Variants in ZFHX3 observed in about 807,000 individuals in gnomAD.
ZFHX3 encodes the protein zinc finger homeobox 3, also known as zinc finger homeobox protein 3.
In ZFHX3, 42 loss-of-function variants were observed where a neutral mutation model predicts 279.1. That is an observed-to-expected ratio of 0.15 (90% CI 0.12 to 0.19). The LOEUF (loss-of-function observed/expected upper bound fraction) is 0.19. Among genes scored for constraint, ZFHX3 ranks in the 10% least tolerant of loss-of-function variants. The pLI, the probability that ZFHX3 is intolerant of heterozygous loss-of-function variation, is 1.00. For missense variants in ZFHX3, 4,981 were observed against 4,754.0 expected (o/e 1.05, Z -1.40); for synonymous variants, 2,293 against 1,957.8 (o/e 1.17, Z -4.52).
intron 2 of ZFHX3, among the ~76,000 whole-genome samples, chr16:73,613,662 G>A (rs1192993767): frequency 4.6e-5 from 7 of 152,184 alleles, no homozygotes; most frequent in Admixed American, 2.6e-4. Context: ...ACCTCACAGG[G>A]TCCTAAATGG....
chr16:73,534,021 G>A (rs1218213394), intron 2 of ZFHX3, among the ~76,000 whole-genome samples: 2 of 152,054 alleles, frequency 1.3e-5, no homozygotes, highest in African/African-American at 4.8e-5. Flanking sequence ...CTGAAACCCA[G>A]GTGAGATCAT....
At position 73,632,630 on chromosome 16, in the gene ZFHX3, G is replaced by A. The variant is rs566745837; in HGVS notation, c.-1547+47550C>T. Among the ~76,000 whole-genome samples, 182 of 150,906 alleles carry A rather than the reference G, an allele frequency of 1.2e-3. 2 individuals carry two copies. The South Asian group carries it at 0.037, about 30-fold the overall frequency. ...GAACCTGGGAGGTGAAGGTAGCAGT[G>A]AGCTGAGATCGCGCCACTGCACTCC... is the stretch of plus-strand genomic sequence containing the variant. On this transcript the variant is annotated intron_variant, in intron 2 of 17. Transcript: ENST00000641206.
chr16:72,835,117 G>A (rs1011584868), intron 4 of ZFHX3, among the ~76,000 whole-genome samples: 10 of 152,068 alleles, frequency 6.6e-5, no homozygotes, highest in Non-Finnish European at 1.5e-4. Context: ...GATCCCCGAA[G>A]AATGAAATTG....
intron 2 of ZFHX3, among the ~76,000 whole-genome samples, chr16:73,480,671 C>T (rs2018850261): frequency 6.6e-6 from 1 of 152,160 alleles, no homozygotes; most frequent in Admixed American, 6.5e-5. Context: ...AACGGCCACT[C>T]TGGCTGGAGT....
At chr16:73,851,260 C>CA (rs1489871305) in intron 1 of ZFHX3, among the ~76,000 whole-genome samples, 1 of 152,084 alleles carries the variant, frequency 6.6e-6, no homozygotes, top group Non-Finnish European at 1.5e-5. Context: ...ATCAAGAGCC[C>CA]ACATGTTCTA....
At chr16:73,324,713 T>C (rs1344077743) in intron 3 of ZFHX3, among the ~76,000 whole-genome samples, 1 of 152,218 alleles carries the variant, frequency 6.6e-6, no homozygotes, top group Admixed American at 6.5e-5. Context: ...TACAAATTAG[T>C]GAGGCTTCAC....
intron 4 of ZFHX3, among the ~76,000 whole-genome samples, chr16:72,870,102 T>G (rs1438938256): frequency 6.6e-6 from 1 of 152,152 alleles, no homozygotes; most frequent in Non-Finnish European, 1.5e-5. Context: ...AGAGGAACAA[T>G]GCTAGATTAA....
At chr16:72,833,382 T>C (rs1236939907) in intron 4 of ZFHX3, among the ~76,000 whole-genome samples, 1 of 152,212 alleles carries the variant, frequency 6.6e-6, no homozygotes, top group Non-Finnish European at 1.5e-5. Flanking sequence ...CACTGGTAAC[T>C]GGCTGGGTCA....
At chr16:73,499,716 T>C (rs1036322954) in intron 2 of ZFHX3, 10 of 152,312 alleles carry the variant, frequency 6.6e-5, no homozygotes, top group Admixed American at 5.9e-4. Flanking sequence ...TATCCAACTG[T>C]CACAAAACTC....
chr16:73,690,165 C>T (rs919625363), intron 1 of ZFHX3, among the ~76,000 whole-genome samples: 2 of 152,158 alleles, frequency 1.3e-5, no homozygotes, highest in African/African-American at 4.8e-5. Context: ...AATCCTCCCA[C>T]CTCGGCCTCC....
At chr16:73,020,845 T>C (rs1964273159) in intron 1 of ZFHX3, among the ~76,000 whole-genome samples, 1 of 152,156 alleles carries the variant, frequency 6.6e-6, no homozygotes, top group Non-Finnish European at 1.5e-5. Context: ...TGTCTTCCTA[T>C]ATAATCCACT....
rs145626663 is a variant in ZFHX3, at chr16:73,253,965, C to T, written c.-1104+3082G>A. On this transcript the variant is annotated intron_variant, in intron 5 of 17. Coordinates refer to the ZFHX3 transcript ENST00000641206. ...GGCCTTGGAGGTGTCCAGTTCAAAT[C>T]TCCATCTAAGATAAGCTGCTCTGGA... Among the ~76,000 whole-genome samples, 390 of 152,270 alleles carry T rather than the reference C, an allele frequency of 2.6e-3. 1 individual carries two copies. In the Middle Eastern group the frequency reaches 0.044, roughly 17 times the overall value.
rs2020297482 is a variant in ZFHX3, at chr16:73,557,093, T to TA, written c.-1546-100836_-1546-100835insT. ...CTGGGGGACAGAGCAAGACTCCGTC[T>TA]CAAAAAAAAAAAAAAAAAAAAAAAA... is the stretch of plus-strand genomic sequence containing the variant. On this transcript the variant is annotated intron_variant, in intron 2 of 17. Transcript: ENST00000641206. Among the ~76,000 whole-genome samples the TA allele has an allele frequency of 3.8e-4, 6 of 15,908 alleles. 1 individual carries two copies. Among genetic ancestry groups the TA allele is most frequent in the Admixed American group, 9.2e-4 (1 of 1,090 alleles). 10.4% of individuals were successfully genotyped at this position (15,908 alleles called of 152,430 possible).
intron 1 of ZFHX3, among the ~76,000 whole-genome samples, chr16:73,784,566 G>A (rs559249758): frequency 6.6e-6 from 1 of 151,908 alleles, no homozygotes; most frequent in East Asian, 1.9e-4. Context: ...GGCCAACATG[G>A]TGAAACCCCA....
intron 1 of ZFHX3, among the ~76,000 whole-genome samples, chr16:72,965,179 T>C (rs1961775986): frequency 6.6e-6 from 1 of 152,218 alleles, no homozygotes; most frequent in Admixed American, 6.5e-5. Context: ...GCACCTGGCC[T>C]GTTTTTCTTT....
At chr16:73,092,963 T>C (rs751784641) in intron 8 of ZFHX3, 6 of 520,004 alleles carry the variant, frequency 1.2e-5, no homozygotes, top group Admixed American at 1.9e-5. Context: ...CCTTCGTTTA[T>C]GCTCTGTGTG....
At chr16:73,380,784 GATTTGAGCCCAGGA>G (rs1364785429) in intron 3 of ZFHX3, among the ~76,000 whole-genome samples, 1 of 152,150 alleles carries the variant, frequency 6.6e-6, no homozygotes, top group African/African-American at 2.4e-5. Flanking sequence ...GTGGGAGGCT[GATTTGAGCCCAGGA>G]GTTTGAGACC....
At chr16:73,107,627 T>G (rs1022659230) in intron 7 of ZFHX3, among the ~76,000 whole-genome samples, 5 of 152,174 alleles carry the variant, frequency 3.3e-5, no homozygotes, top group African/African-American at 1.2e-4. Flanking sequence ...TCCTATGGCA[T>G]TTTGAGTCTT....
In ZFHX3 at chr16:72,793,089, T is replaced by G. The variant is rs898441858; in HGVS notation, c.9427+166A>C. ...GGTCCCATCCCTGACACACCAGTACTTGGGAGACTCAACAGGAACGAACTG... is the reference window on the plus strand; with the variant it reads ...GGTCCCATCCCTGACACACCAGTACGTGGGAGACTCAACAGGAACGAACTG... On this transcript the variant is annotated intron_variant, in intron 9 of 9. Transcript: ENST00000268489. This position sits in a 1 kb window ranked among gnomAD's most constrained non-coding sequence, Gnocchi z 4.3. Among the ~76,000 whole-genome samples, 2 of 152,232 alleles carry G rather than the reference T, an allele frequency of 1.3e-5. No homozygotes were observed. The highest frequency in any genetic ancestry group is 2.4e-5 in the African/African-American group (1 of 41,456).
Sources: allele counts gnomAD v4.1 joint callset (sites outside exome capture counted in the v4.1 genomes callset), GRCh38; gene constraint gnomAD v4.1.1; non-coding constraint Gnocchi (gnomAD v3.1); transcripts MANE v1.5; gene names NCBI Gene and HGNC (gene_info 2026-07-23, HGNC 2026-07-21).